The following NRXN3 variants were observed in gnomAD, a reference collection of about 807,000 sequenced individuals.
The protein encoded by NRXN3 is neurexin 3, also known as neurexin III.
In NRXN3, 32 loss-of-function variants were observed where a neutral mutation model predicts 137.6. That is an observed-to-expected ratio of 0.23 (90% CI 0.18 to 0.31). The LOEUF (loss-of-function observed/expected upper bound fraction) is 0.31. Among genes scored for constraint, NRXN3 ranks in the 10% least tolerant of loss-of-function variants. The pLI is 1.00. For missense variants in NRXN3, 1,574 were observed against 2,062.5 expected (o/e 0.76, Z 4.59); for synonymous variants, 798 against 784.5 (o/e 1.02, Z -0.29).
chr14:79,565,693 C>G (rs1443627509), intron 16 of NRXN3, among the ~76,000 whole-genome samples: 1 of 151,964 alleles, frequency 6.6e-6, no homozygotes, highest in Non-Finnish European at 1.5e-5. Context: ...AATAATACCT[C>G]AAAGGCAATC....
At chr14:79,358,613 G>GAAA (rs1566902433) in intron 15 of NRXN3, among the ~76,000 whole-genome samples, 2 of 129,064 alleles carry the variant, frequency 1.5e-5, no homozygotes, top group South Asian at 5.1e-4. Context: ...GAAAGAGAAA[G>GAAA]AAAGAAAGAA....
intron 16 of NRXN3, among the ~76,000 whole-genome samples, chr14:79,580,435 G>C (rs1244682518): frequency 7.2e-6 from 1 of 138,648 alleles, no homozygotes; most frequent in Non-Finnish European, 1.6e-5. Context: ...AAAAGATTAT[G>C]TTTTTTTTTT....
At chr14:79,417,105 G>A (rs910574698) in intron 15 of NRXN3, among the ~76,000 whole-genome samples, 17 of 151,902 alleles carry the variant, frequency 1.1e-4, no homozygotes, top group Admixed American at 6.6e-4. Flanking sequence ...AAGATTCTTC[G>A]CTTCTCTGTA....
chr14:79,314,352 C>T (rs2087868110), intron 15 of NRXN3, among the ~76,000 whole-genome samples: 1 of 70,912 alleles, frequency 1.4e-5, no homozygotes, highest in Non-Finnish European at 2.8e-5. Flanking sequence ...TTGCGCTTTT[C>T]AGACCGGCTT....
chr14:78,997,631 T>C lies in NRXN3; in HGVS notation c.3262+9490T>C, dbSNP rs2099532735. Among the ~76,000 whole-genome samples the C allele has an allele frequency of 2.0e-5, 3 of 152,226 alleles. No homozygotes were observed. In the South Asian group the frequency reaches 6.2e-4, roughly 32 times the overall value. ...TTTTCATTTATTTTTCTCCTCTACT[T>C]TCTTTTTAGGGAAGGAAGAGATCAT... On this transcript the variant is annotated intron_variant, in intron 15 of 20. Transcript: ENST00000335750.
intron 2 of NRXN3, among the ~76,000 whole-genome samples, chr14:78,254,221 G>A (rs2069122715): frequency 6.6e-6 from 1 of 152,120 alleles, no homozygotes; most frequent in African/African-American, 2.4e-5. Context: ...TTTTGCTTCT[G>A]GGGAGCTTGC....
At chr14:79,801,810 G>A (rs2099182336) in intron 19 of NRXN3, among the ~76,000 whole-genome samples, 2 of 152,078 alleles carry the variant, frequency 1.3e-5, no homozygotes, top group African/African-American at 4.8e-5. Flanking sequence ...AGCGCAGAGA[G>A]GGTTAAAGGT....
chr14:79,412,461 G>C (rs2095430731), intron 15 of NRXN3, among the ~76,000 whole-genome samples: 1 of 151,850 alleles, frequency 6.6e-6, no homozygotes, highest in African/African-American at 2.4e-5. Context: ...GGGCAAAAGG[G>C]ATTTTGAGAG....
At chr14:78,467,098 A>G (rs2095130082) in intron 4 of NRXN3, among the ~76,000 whole-genome samples, 2 of 152,146 alleles carry the variant, frequency 1.3e-5, no homozygotes, top group African/African-American at 4.8e-5. Context: ...GTATTGATTG[A>G]TGTCTTCTGT....
chr14:79,356,004 A>G (rs996592203), intron 15 of NRXN3, among the ~76,000 whole-genome samples: 15 of 152,312 alleles, frequency 9.8e-5, no homozygotes, highest in South Asian at 4.1e-4. Context: ...ATGAAATTCA[A>G]TAATTATTAG....
intron 4 of NRXN3, among the ~76,000 whole-genome samples, chr14:78,604,904 G>C (rs1194420451): frequency 6.6e-6 from 1 of 152,102 alleles, no homozygotes; most frequent in Non-Finnish European, 1.5e-5. Context: ...TTACAGCATG[G>C]GTGTATGACA....
intron 19 of NRXN3, among the ~76,000 whole-genome samples, chr14:79,719,344 T>C (rs1254495620): frequency 8.3e-6 from 1 of 120,256 alleles, no homozygotes; most frequent in Non-Finnish European, 1.8e-5. Context: ...TATGTATATA[T>C]ACACATATAT....
At chr14:78,767,043 T>C (rs1463804653) in intron 8 of NRXN3, among the ~76,000 whole-genome samples, 4 of 152,200 alleles carry the variant, frequency 2.6e-5, no homozygotes, top group Non-Finnish European at 1.5e-5. Flanking sequence ...ACAACACACA[T>C]TGATTACCTC....
intron 2 of NRXN3, among the ~76,000 whole-genome samples, chr14:78,252,541 A>G (rs2153463342): frequency 6.6e-6 from 1 of 152,326 alleles, no homozygotes; most frequent in Admixed American, 6.5e-5. Context: ...ATGAGATGCT[A>G]TTCATCCGAT....
chr14:78,771,054 C>T (rs1189002173), intron 8 of NRXN3, among the ~76,000 whole-genome samples: 1 of 152,178 alleles, frequency 6.6e-6, no homozygotes, highest in Admixed American at 6.5e-5. Context: ...TTATTTTAGT[C>T]TCCTGGACTC....
intron 16 of NRXN3, among the ~76,000 whole-genome samples, chr14:79,591,212 G>A (rs1254829722): frequency 1.3e-5 from 2 of 152,066 alleles, no homozygotes; most frequent in African/African-American, 4.8e-5. Flanking sequence ...TTCTGGATAG[G>A]AAACATACTA....
intron 8 of NRXN3, among the ~76,000 whole-genome samples, chr14:78,793,375 C>G (rs1448857850): frequency 6.6e-6 from 1 of 152,038 alleles, no homozygotes; most frequent in Non-Finnish European, 1.5e-5. Context: ...ACAAAGTATA[C>G]ATGTGTCAGA....
At chr14:78,678,727 AT>A (rs1261965508) in intron 6 of NRXN3, among the ~76,000 whole-genome samples, 2 of 152,152 alleles carry the variant, frequency 1.3e-5, no homozygotes, top group Admixed American at 1.3e-4. Flanking sequence ...TGTAAAACAT[AT>A]GCCTAAAGTT....
At chr14:79,818,027 C>A (rs1401256072) in intron 20 of NRXN3, among the ~76,000 whole-genome samples, 9 of 142,910 alleles carry the variant, frequency 6.3e-5, no homozygotes, top group Non-Finnish European at 1.2e-4. Flanking sequence ...GTCACCTATG[C>A]AATAATATGT....
Sources: gnomAD v4.1 joint callset for allele counts (sites outside exome capture counted in the v4.1 genomes callset) on GRCh38, gnomAD v4.1.1 for gene constraint, MANE v1.5 for transcripts, NCBI Gene and HGNC (gene_info 2026-07-23, HGNC 2026-07-21) for gene names.